Variants in STK17B observed in about 807,000 individuals in gnomAD.
STK17B encodes serine/threonine-protein kinase 17B.
In STK17B, 21 loss-of-function variants were observed where a neutral mutation model predicts 42.0. The observed-to-expected ratio is 0.50, with a 90% CI of 0.35 to 0.72. STK17B has a LOEUF of 0.72. STK17B is among the 30% of genes least tolerant of loss of function. The pLI is 0.00. For missense variants in STK17B, 349 were observed against 446.0 expected (o/e 0.78, Z 1.96); for synonymous variants, 143 against 148.4 (o/e 0.96, Z 0.26).
At chr2:196,171,719 G>C (rs1221111772), upstream of STK17B, 2 of 151,200 alleles carry the variant, frequency 1.3e-5, no homozygotes, top group East Asian at 3.9e-4. Flanking sequence ...GCGTGTGCGG[G>C]GCGGGGCCCG....
chr2:196,153,078 C>T (rs867478270), intron 3 of STK17B: 8 of 151,970 alleles, frequency 5.3e-5, no homozygotes, highest in African/African-American at 1.9e-4. Flanking sequence ...AGCTACTATG[C>T]CTGGCCACAT....
At chr2:196,155,333 C>T (rs573303617) in intron 3 of STK17B, among the ~76,000 whole-genome samples, 5 of 152,240 alleles carry the variant, frequency 3.3e-5, no homozygotes, top group South Asian at 4.1e-4. Context: ...CGCCTTAAGA[C>T]GGTTCTGGGA....
intron 3 of STK17B, chr2:196,151,207 A>C (rs1390442733): frequency 6.6e-6 from 1 of 151,904 alleles, no homozygotes; most frequent in Non-Finnish European, 1.5e-5. Flanking sequence ...GATTTTCACT[A>C]TTTCTAGGAC....
chr2:196,166,903 A>G (rs1699880782), intron 1 of STK17B, among the ~76,000 whole-genome samples: 1 of 152,242 alleles, frequency 6.6e-6, no homozygotes, highest in Non-Finnish European at 1.5e-5. Context: ...AGACATTTAG[A>G]AAATCAAATT....
chr2:196,161,142 T>C (rs924101587), intron 2 of STK17B, among the ~76,000 whole-genome samples: 24 of 152,154 alleles, frequency 1.6e-4, no homozygotes, highest in Non-Finnish European at 1.5e-5. Flanking sequence ...AAACTGAGGC[T>C]GGATAACAGT....
At chr2:196,173,708 C>T (rs1038579536), upstream of STK17B, among the ~76,000 whole-genome samples, 1 of 152,182 alleles carries the variant, frequency 6.6e-6, no homozygotes, top group Non-Finnish European at 1.5e-5. Context: ...TCCAGGTGAC[C>T]TGATGGTCAT....
chr2:196,152,933 A>G (rs908750995), intron 3 of STK17B: 18 of 152,108 alleles, frequency 1.2e-4, no homozygotes, highest in Non-Finnish European at 2.4e-4. Flanking sequence ...TGGTTTAAAA[A>G]AACAATTATT....
intron 7 of STK17B, among the ~76,000 whole-genome samples, chr2:196,138,977 A>AT (rs1360548906): frequency 6.6e-6 from 1 of 151,194 alleles, no homozygotes; most frequent in African/African-American, 2.4e-5. Flanking sequence ...TATTTTATTT[A>AT]TTTTTTTGAG....
rs749336239 is a variant in STK17B, at chr2:196,137,551, C to A, written c.1015G>T (p.Asp339Tyr). 10 of 1,614,122 alleles carry A rather than the reference C, an allele frequency of 6.2e-6. No homozygotes were observed. The highest frequency in any genetic ancestry group is 1.7e-5 in the Admixed American group (1 of 60,024). Residue 339 changes from aspartate to tyrosine, a missense_variant, in exon 8 of 8, where the codon GAC becomes TAC. Around this residue, in one of 3 missense-constraint regions of STK17B, gnomAD observed 87 missense variants for 78.8 expected, o/e 1.10. Coordinates refer to ENST00000263955, the MANE Select transcript of STK17B (RefSeq NM_004226.4). Reference sequence around the variant, plus strand: ...CTATCCTCTGGGATATTCTCTTTGTCTTCTCTATCACCACAGGTTCCATTA... The same window carrying A: ...CTATCCTCTGGGATATTCTCTTTGTATTCTCTATCACCACAGGTTCCATTA... The part of the protein sequence containing the change: ...SCNGTCGDRE[D>Y]KENIPEDSSM...
At chr2:196,140,423 T>C (rs781088346) in intron 6 of STK17B, among the ~76,000 whole-genome samples, 5 of 152,190 alleles carry the variant, frequency 3.3e-5, no homozygotes, top group Admixed American at 6.5e-5. Flanking sequence ...TGGTCTCAAC[T>C]GAAGCTCCAG....
chr2:196,175,128 G>C (rs1559419461), upstream of STK17B, among the ~76,000 whole-genome samples: 1 of 152,002 alleles, frequency 6.6e-6, no homozygotes, highest in Non-Finnish European at 1.5e-5. Flanking sequence ...CTAAAACATT[G>C]TCATTTCAAC....
intron 3 of STK17B, chr2:196,152,946 T>A (rs552193383): frequency 6.6e-6 from 1 of 152,016 alleles, no homozygotes; most frequent in Non-Finnish European, 1.5e-5. Context: ...CAATTATTTA[T>A]TTTTTATTTT....
At chr2:196,171,633 T>G (rs1699946322), upstream of STK17B, 1 of 149,334 alleles carries the variant, frequency 6.7e-6, no homozygotes, top group South Asian at 2.1e-4. Flanking sequence ...TCCCCCTAGG[T>G]CGGGAGAGCC....
intron 4 of STK17B, among the ~76,000 whole-genome samples, chr2:196,144,392 CAGA>C (rs1307725425): frequency 4.3e-5 from 6 of 140,408 alleles, no homozygotes. Flanking sequence ...GAGGCTGAGG[CAGA>C]AGAATGGCGT....
Position 196,137,279 on chromosome 2 carries a change from A to G in STK17B, c.*168T>C, listed in dbSNP as rs2105670307. ...CAGAGCTATCTCAGGATATGAAATC[A>G]TAACATGCTAGCAACTAGTAATTTA... On this transcript the variant is annotated 3_prime_UTR_variant, in exon 8 of 8. Coordinates refer to ENST00000263955, the MANE Select transcript of STK17B (RefSeq NM_004226.4). 1 of 677,578 alleles carries G rather than the reference A, an allele frequency of 1.5e-6. No homozygotes were observed. The highest frequency in any genetic ancestry group is 2.3e-6 in the Non-Finnish European group (1 of 431,302). 42.0% of individuals were successfully genotyped at this position (677,578 alleles called of 1,614,324 possible).
intron 5 of STK17B, among the ~76,000 whole-genome samples, chr2:196,141,636 G>C (rs1449208112): frequency 6.6e-6 from 1 of 152,158 alleles, no homozygotes; most frequent in Non-Finnish European, 1.5e-5. Context: ...TCTAGCCTGG[G>C]CAAGAGTGAG....
At position 196,134,697 on chromosome 2, in the gene STK17B, T is replaced by A. The variant is rs1203641227; in HGVS notation, c.*2750A>T. 6.6e-6 allele frequency: 1 copy of A among 152,176 alleles called. No individual in the cohort carries two copies. The highest frequency in any genetic ancestry group is 2.4e-5 in the African/African-American group (1 of 41,444). The allele number at this position is 152,176 out of a possible 1,614,324, so 9.4% of individuals were successfully genotyped here. On this transcript the variant is annotated 3_prime_UTR_variant, in exon 8 of 8. Transcript: ENST00000263955. ...AATTGCAATTGTCATCTATATATCA[T>A]CTATTTAAAAATCCCATCTATTTAG...
chr2:196,154,972 G>A lies in STK17B; in HGVS notation c.335+1467C>T, dbSNP rs546855331. On this transcript the variant is annotated intron_variant, in intron 3 of 7. Transcript: ENST00000263955. Reference sequence around the variant, plus strand: ...CCAGTTTACTGGGTAAGGTACCTGAGTCAATTTTCCGGAGTATGAACAAGG... The same window carrying A: ...CCAGTTTACTGGGTAAGGTACCTGAATCAATTTTCCGGAGTATGAACAAGG... 23 of 152,326 alleles carry A rather than the reference G, an allele frequency of 1.5e-4. No individual in the cohort carries two copies. In the East Asian group the frequency reaches 3.1e-3, roughly 20 times the overall value. 9.4% of individuals were successfully genotyped at this position (152,326 alleles called of 1,614,324 possible).
chr2:196,143,695 A>G lies in STK17B; in HGVS notation c.481-9T>C. 1 of 1,500,590 alleles carries G rather than the reference A, an allele frequency of 6.7e-7. No individual in the cohort carries two copies. The highest frequency in any genetic ancestry group is 8.9e-7 in the Non-Finnish European group (1 of 1,123,716). 93.0% of individuals were successfully genotyped at this position (1,500,590 alleles called of 1,614,324 possible). A position where few individuals can be genotyped will look rare whatever the true frequency, so the allele number is the denominator to read the frequency against. On this transcript the variant is annotated splice_polypyrimidine_tract_variant and intron_variant, in intron 4 of 7. Transcript: ENST00000263955. ...AGTAATATATTCTGTGGCTAAACAA[A>G]GTACAACAAAAACATGATAAGTAAT... is the stretch of plus-strand genomic sequence containing the variant.
Sources: gnomAD v4.1 joint callset for allele counts (sites outside exome capture counted in the v4.1 genomes callset) on GRCh38, gnomAD v4.1.1 for gene constraint, gnomAD v4.1.1 regional missense constraint, MANE v1.5 for transcripts, NCBI Gene and HGNC (gene_info 2026-07-23, HGNC 2026-07-21) for gene names.